Variants in RNF125 observed in about 807,000 individuals in gnomAD.
The protein encoded by RNF125 is ring finger protein 125.
RNF125 carries 21 observed loss-of-function variants against 26.0 expected under a neutral mutation model. The observed-to-expected ratio is 0.81, with a 90% CI of 0.57 to 1.16. The LOEUF is 1.16. RNF125 is among the 50% of genes most tolerant of loss of function. The probability of loss-of-function intolerance (pLI) is 0.00; values close to 1 mark genes in which losing one functional copy is unlikely to be tolerated. For missense variants in RNF125, 270 were observed against 299.4 expected (o/e 0.90, Z 0.72); for synonymous variants, 95 against 109.2 (o/e 0.87, Z 0.81).
In RNF125 at chr18:32,073,148, C is replaced by T. The variant is rs568750367; in HGVS notation, c.*4764C>T. ...CTTTTTCTTCTGTAAGTATGTATTG[C>T]TATGATAAATAAAAAATGGCAGGAC... is the stretch of plus-strand genomic sequence containing the variant. On this transcript the variant is annotated 3_prime_UTR_variant, in exon 6 of 6. Transcript: ENST00000217740. 1.3e-5 allele frequency: 2 copies of T among 152,036 alleles called. No individual in the cohort carries two copies. The highest frequency in any genetic ancestry group is 4.8e-5 in the African/African-American group (2 of 41,384). The allele number at this position is 152,036 out of a possible 1,614,324, so 9.4% of individuals were successfully genotyped here. A position where few individuals can be genotyped will look rare whatever the true frequency, so the allele number is the denominator to read the frequency against.
chr18:32,048,003 C>T (rs1413020509), intron 4 of RNF125, among the ~76,000 whole-genome samples: 2 of 152,094 alleles, frequency 1.3e-5, no homozygotes, highest in Middle Eastern at 3.2e-3. Flanking sequence ...TGGCATGCGC[C>T]TTTAGTCCCA....
chr18:32,028,299 A>T (rs2039057756), intron 1 of RNF125, among the ~76,000 whole-genome samples: 1 of 96,396 alleles, frequency 1.0e-5, no homozygotes, highest in African/African-American at 7.7e-5. Flanking sequence ...CTCCGTCTTA[A>T]AAAAAAAAAA....
chr18:32,084,565 G>A, the RNF125 span, among the ~76,000 whole-genome samples: 65,995 of 152,016 alleles, frequency 0.43, 15,688 homozygotes, highest in Admixed American at 0.6. Context: ...ACTGATTTGT[G>A]TGTTTGGGCA....
At chr18:32,046,932 C>T (rs1264504414) in intron 4 of RNF125, among the ~76,000 whole-genome samples, 1 of 152,118 alleles carries the variant, frequency 6.6e-6, no homozygotes, top group East Asian at 1.9e-4. Context: ...ACAGTGGCGC[C>T]ATCTCGGCTC....
intron 1 of RNF125, among the ~76,000 whole-genome samples, chr18:32,030,409 A>G (rs1330503670): frequency 1.3e-5 from 2 of 152,238 alleles, no homozygotes; most frequent in Non-Finnish European, 2.9e-5. Flanking sequence ...TTTCAGGTAA[A>G]TGGATTGAAA....
intron 4 of RNF125, among the ~76,000 whole-genome samples, chr18:32,061,902 CAG>C (rs2039438491): frequency 6.6e-6 from 1 of 152,168 alleles, no homozygotes; most frequent in Non-Finnish European, 1.5e-5. Context: ...CTCTGAGACA[CAG>C]AACATCAGCG....
At chr18:32,021,174 G>A (rs1171001402) in intron 1 of RNF125, among the ~76,000 whole-genome samples, 5 of 152,110 alleles carry the variant, frequency 3.3e-5, no homozygotes, top group Non-Finnish European at 7.4e-5. Context: ...TCCGCCTCCC[G>A]GGTTCACGCC....
rs146789641 is a variant in RNF125, at chr18:32,072,032, AAAACAAAC to A, written c.*3664_*3671del. ...GACTCTTTCTATTTAAACAAAAACA[AAAACAAAC>A]AAACAAACAAACAAAAAGCTGGGCA... On this transcript the variant is annotated 3_prime_UTR_variant, in exon 6 of 6. Transcript: ENST00000217740. The A allele has an allele frequency of 1.3e-5, 2 of 152,086 alleles. No individual in the cohort carries two copies. The highest frequency in any genetic ancestry group is 2.4e-5 in the African/African-American group (1 of 41,384). 9.4% of individuals were successfully genotyped at this position (152,086 alleles called of 1,614,324 possible).
rs111754185 is a variant in RNF125 at position 32,027,464 on chromosome 18, C to T, written c.164+8437C>T. ...TATAGCCATTCATTTATTTTAAAAGCGATTGAAACCAATACAAGAACTAAT... is the reference window on the plus strand; with the variant it reads ...TATAGCCATTCATTTATTTTAAAAGTGATTGAAACCAATACAAGAACTAAT... On this transcript the variant is annotated intron_variant, in intron 1 of 5. Coordinates refer to ENST00000217740, the MANE Select transcript of RNF125 (RefSeq NM_017831.4). Among the ~76,000 whole-genome samples, 520 of 152,134 alleles carry T rather than the reference C, an allele frequency of 3.4e-3. 2 individuals are homozygous for T. Among genetic ancestry groups the T allele is most frequent in the African/African-American group, 0.012 (493 of 41,496 alleles).
rs566805411 is a variant in RNF125 at position 32,072,364 on chromosome 18, C to T, written c.*3980C>T. 2.0e-5 allele frequency: 3 copies of T among 152,278 alleles called. No individual in the cohort carries two copies. Among genetic ancestry groups the T allele is most frequent in the Non-Finnish European group, 4.4e-5 (3 of 68,018 alleles). The allele number at this position is 152,278 out of a possible 1,614,324, so 9.4% of individuals were successfully genotyped here. On this transcript the variant is annotated 3_prime_UTR_variant, in exon 6 of 6. Coordinates refer to ENST00000217740, the MANE Select transcript of RNF125 (RefSeq NM_017831.4). The stretch of plus-strand genomic sequence containing the variant: ...ACATATTTTTAAGCATTGGTGTTGA[C>T]CATGCAGACAAACTTTTGTTAATTC...
At chr18:32,076,439 C>T (rs2144529840), downstream of RNF125, among the ~76,000 whole-genome samples, 1 of 152,142 alleles carries the variant, frequency 6.6e-6, no homozygotes, top group South Asian at 2.1e-4. Flanking sequence ...CCTCACCCTC[C>T]CTAGTAGCTG....
chr18:32,044,237 C>A (rs2039246995), intron 3 of RNF125, among the ~76,000 whole-genome samples: 1 of 152,098 alleles, frequency 6.6e-6, no homozygotes, highest in South Asian at 2.1e-4. Flanking sequence ...GAACTCCTGA[C>A]CTCGTGATCC....
the RNF125 span, among the ~76,000 whole-genome samples, chr18:32,081,529 G>T: frequency 2.6e-5 from 4 of 152,060 alleles, no homozygotes; most frequent in African/African-American, 9.7e-5. Context: ...CCCACCATTT[G>T]CAGTGATTGT....
At chr18:32,089,797 C>T in the RNF125 span, among the ~76,000 whole-genome samples, 1 of 152,042 alleles carries the variant, frequency 6.6e-6, no homozygotes, top group Admixed American at 6.5e-5. Context: ...GTAAAGCTGC[C>T]GTTGCAGAGA....
At chr18:32,031,853 T>C (rs2039100036) in intron 1 of RNF125, among the ~76,000 whole-genome samples, 1 of 152,122 alleles carries the variant, frequency 6.6e-6, no homozygotes, top group African/African-American at 2.4e-5. Flanking sequence ...GTTACTGAAA[T>C]TTGGGTCAGA....
chr18:32,051,615 TAAAA>T (rs71177836), intron 4 of RNF125, among the ~76,000 whole-genome samples: 1 of 78,976 alleles, frequency 1.3e-5, no homozygotes, highest in African/African-American at 4.8e-5. Flanking sequence ...GACTCAGTCT[TAAAA>T]AAAAAAAAAA....
chr18:32,055,730 C>G (rs1447518495), intron 4 of RNF125, among the ~76,000 whole-genome samples: 1 of 152,064 alleles, frequency 6.6e-6, no homozygotes, highest in African/African-American at 2.4e-5. Flanking sequence ...CCTGTAATCC[C>G]AGCACTTTGG....
chr18:32,061,073 G>A (rs1419816044), intron 4 of RNF125, among the ~76,000 whole-genome samples: 3 of 152,128 alleles, frequency 2.0e-5, no homozygotes, highest in Admixed American at 6.6e-5. Flanking sequence ...CGCCCAGGCT[G>A]GAGTGCAGTG....
At chr18:32,080,720 T>C in the RNF125 span, among the ~76,000 whole-genome samples, 1 of 152,182 alleles carries the variant, frequency 6.6e-6, no homozygotes, top group African/African-American at 2.4e-5. Flanking sequence ...AAACCTCGTC[T>C]CTACTAAAAA....
Sources: allele counts gnomAD v4.1 joint callset (sites outside exome capture counted in the v4.1 genomes callset), GRCh38; gene constraint gnomAD v4.1.1; transcripts MANE v1.5; gene names NCBI Gene and HGNC (gene_info 2026-07-23, HGNC 2026-07-21).